EPHA5: variants seen among roughly 807,000 people sequenced by gnomAD.
EPHA5 encodes ephrin type-A receptor 5.
In EPHA5, 60 loss-of-function variants were observed where a neutral mutation model predicts 105.0. The ratio of observed to expected loss-of-function variants is 0.57; its 90% CI spans 0.46 to 0.71. The LOEUF (loss-of-function observed/expected upper bound fraction) is 0.71. EPHA5 is among the 30% of genes least tolerant of loss of function. EPHA5 has a pLI of 0.00. For missense variants in EPHA5, 1,218 were observed against 1,274.7 expected (o/e 0.96, Z 0.68); for synonymous variants, 513 against 449.1 (o/e 1.14, Z -1.80).
intron 3 of EPHA5, among the ~76,000 whole-genome samples, chr4:65,506,653 G>T (rs1733056999): frequency 6.8e-6 from 1 of 147,302 alleles, no homozygotes; most frequent in South Asian, 2.2e-4. Flanking sequence ...GTCTTCTTTT[G>T]GCTGCATAAA....
chr4:65,431,497 T>C (rs958328688), intron 5 of EPHA5, among the ~76,000 whole-genome samples: 4 of 152,052 alleles, frequency 2.6e-5, no homozygotes, highest in Non-Finnish European at 5.9e-5. Context: ...ATTCCTTTCC[T>C]CAAAACTCAA....
At position 65,634,017 on chromosome 4, in the gene EPHA5, C is replaced by T. The variant is rs146930581; in HGVS notation, c.246+9346G>A. On this transcript the variant is annotated intron_variant, in intron 2 of 16. Transcript: ENST00000613740. ...AGGGGAGAAGAGATGGATTTCACTGCATGAACTGCTAACGAGGAGGAACAG... is the reference window on the plus strand; with the variant it reads ...AGGGGAGAAGAGATGGATTTCACTGTATGAACTGCTAACGAGGAGGAACAG... Among the ~76,000 whole-genome samples the T allele has an allele frequency of 9.2e-3, 1,396 of 152,170 alleles. 22 individuals are homozygous for T. The highest frequency in any genetic ancestry group is 0.032 in the African/African-American group (1,313 of 41,552).
At chr4:65,374,706 T>C (rs139606552) in intron 8 of EPHA5, among the ~76,000 whole-genome samples, 230 of 152,078 alleles carry the variant, frequency 1.5e-3, no homozygotes, top group African/African-American at 5.3e-3. Flanking sequence ...TAACCACATA[T>C]ATATTCATGA....
At chr4:65,483,570 C>A (rs1277437423) in intron 5 of EPHA5, among the ~76,000 whole-genome samples, 2 of 152,070 alleles carry the variant, frequency 1.3e-5, no homozygotes, top group Non-Finnish European at 2.9e-5. Context: ...AATGCCCAGA[C>A]CTTTCACAGA....
At chr4:65,549,622 TA>T (rs1737704229) in intron 3 of EPHA5, among the ~76,000 whole-genome samples, 1 of 152,122 alleles carries the variant, frequency 6.6e-6, no homozygotes, top group South Asian at 2.1e-4. Context: ...CTATAATTTG[TA>T]GGGCAACCCT....
chr4:65,504,365 A>AAT (rs149200564), intron 3 of EPHA5, among the ~76,000 whole-genome samples: 62,839 of 147,022 alleles, frequency 0.43, 15,018 homozygotes, highest in East Asian at 0.61. Context: ...TATATTGAAA[A>AAT]ATATATATAT....
chr4:65,626,671 A>G (rs193025025), intron 2 of EPHA5, among the ~76,000 whole-genome samples: 2 of 152,332 alleles, frequency 1.3e-5, no homozygotes, highest in Admixed American at 1.3e-4. Context: ...GTTTCAAATC[A>G]AAGTTGTATG....
chr4:65,528,721 C>T (rs752446745), intron 3 of EPHA5, among the ~76,000 whole-genome samples: 15 of 152,082 alleles, frequency 9.9e-5, no homozygotes, highest in Non-Finnish European at 2.2e-4. Flanking sequence ...TTTAATTCTG[C>T]TCACATTCTG....
At chr4:65,395,340 C>A (rs1463091207) in intron 8 of EPHA5, among the ~76,000 whole-genome samples, 1 of 152,200 alleles carries the variant, frequency 6.6e-6, no homozygotes, top group Non-Finnish European at 1.5e-5. Context: ...TTTCTTATAT[C>A]ATATGTCCTG....
At chr4:65,412,002 G>T (rs1456784865) in intron 7 of EPHA5, among the ~76,000 whole-genome samples, 3 of 152,190 alleles carry the variant, frequency 2.0e-5, no homozygotes, top group African/African-American at 4.8e-5. Context: ...GCCAAGGCAA[G>T]CAGATCACCT....
At chr4:65,441,538 T>A in intron 5 of EPHA5, among the ~76,000 whole-genome samples, 1 of 150,642 alleles carries the variant, frequency 6.6e-6, no homozygotes, top group African/African-American at 2.4e-5. Flanking sequence ...AAAGGCAGAG[T>A]GGAAGAAAGG....
At chr4:65,589,223 A>G (rs1465237167) in intron 3 of EPHA5, among the ~76,000 whole-genome samples, 1 of 150,086 alleles carries the variant, frequency 6.7e-6, no homozygotes, top group Non-Finnish European at 1.5e-5. Flanking sequence ...TTTGAGTGTT[A>G]TTTGGTTAAA....
chr4:65,591,902 A>G (rs1366399783), intron 3 of EPHA5, among the ~76,000 whole-genome samples: 1 of 152,164 alleles, frequency 6.6e-6, no homozygotes, highest in Non-Finnish European at 1.5e-5. Context: ...ACTTAAATGA[A>G]ACGTATCTTT....
chr4:65,464,585 A>T (rs960300906), intron 5 of EPHA5, among the ~76,000 whole-genome samples: 2 of 152,174 alleles, frequency 1.3e-5, no homozygotes, highest in African/African-American at 4.8e-5. Flanking sequence ...TGTACACATG[A>T]TAAAGCACAT....
intron 14 of EPHA5, among the ~76,000 whole-genome samples, chr4:65,340,792 T>C (rs898430019): frequency 1.3e-5 from 2 of 152,178 alleles, no homozygotes; most frequent in East Asian, 3.9e-4. Flanking sequence ...CATTTGTCTC[T>C]AGGCTCTTCA....
At chr4:65,403,788 A>T (rs905561901) in intron 8 of EPHA5, among the ~76,000 whole-genome samples, 22 of 152,236 alleles carry the variant, frequency 1.4e-4, no homozygotes, top group African/African-American at 5.3e-4. Flanking sequence ...TATTTAGATA[A>T]TATTTAATAC....
intron 3 of EPHA5, among the ~76,000 whole-genome samples, chr4:65,582,527 A>T (rs1013230734): frequency 6.6e-6 from 1 of 151,598 alleles, no homozygotes; most frequent in Non-Finnish European, 1.5e-5. Context: ...TCTATGAAAA[A>T]ATTATGGGCA....
At chr4:65,546,319 C>T (rs990087240) in intron 3 of EPHA5, among the ~76,000 whole-genome samples, 1 of 151,886 alleles carries the variant, frequency 6.6e-6, no homozygotes, top group Non-Finnish European at 1.5e-5. Context: ...ATTTATGTGT[C>T]TTCTCAGTAA....
intron 3 of EPHA5, among the ~76,000 whole-genome samples, chr4:65,576,683 T>G (rs921833596): frequency 6.6e-6 from 1 of 152,238 alleles, no homozygotes; most frequent in African/African-American, 2.4e-5. Flanking sequence ...GGGTAAGACA[T>G]AAACATTAGG....
Sources: allele counts gnomAD v4.1 joint callset (sites outside exome capture counted in the v4.1 genomes callset), GRCh38; gene constraint gnomAD v4.1.1; transcripts MANE v1.5; gene names NCBI Gene and HGNC (gene_info 2026-07-23, HGNC 2026-07-21).